OR56A3: variants seen among roughly 807,000 people sequenced by gnomAD.
The protein encoded by OR56A3 is olfactory receptor 56A3.
Under a neutral mutation model 17.5 loss-of-function variants are expected in OR56A3, and 23 were observed. The observed-to-expected ratio is 1.32, with a 90% CI of 0.95 to 1.87. The LOEUF (loss-of-function observed/expected upper bound fraction) is 1.87, where lower values mean the gene tolerates loss of function less well. Ranked by LOEUF, OR56A3 falls within the 40% of genes most tolerant of loss-of-function variation. The pLI, the probability that OR56A3 is intolerant of heterozygous loss-of-function variation, is 0.00. For missense variants in OR56A3, 366 were observed against 380.1 expected (o/e 0.96, Z 0.31); for synonymous variants, 175 against 150.6 (o/e 1.16, Z -1.19).
chr11:6,013,357 C>T, the OR56A3 span, among the ~76,000 whole-genome samples: 1 of 152,210 alleles, frequency 6.6e-6, no homozygotes, highest in South Asian at 2.1e-4. Context: ...TCCCCCTTGC[C>T]CAGCTCGCGG....
the OR56A3 span, among the ~76,000 whole-genome samples, chr11:5,957,833 T>A: frequency 6.6e-6 from 1 of 152,206 alleles, no homozygotes; most frequent in Non-Finnish European, 1.5e-5. Context: ...TTTAAGCAAA[T>A]CTTGGATATC....
the OR56A3 span, among the ~76,000 whole-genome samples, chr11:5,972,095 C>T: frequency 7.9e-5 from 12 of 152,202 alleles, no homozygotes; most frequent in Admixed American, 1.3e-4. Context: ...CATTTCCTCA[C>T]CAGCTTTTGC....
the OR56A3 span, chr11:5,985,807 G>T: frequency 1.3e-6 from 1 of 769,934 alleles, no homozygotes; most frequent in Non-Finnish European, 2.0e-6. Context: ...GTGTTCTTTA[G>T]CATGGCACTA....
At chr11:5,967,997 A>C in the OR56A3 span, 1 of 1,590,624 alleles carries the variant, frequency 6.3e-7, no homozygotes, top group African/African-American at 1.3e-5. Context: ...TGAGTCGAGA[A>C]GAAAGTATGG....
the OR56A3 span, among the ~76,000 whole-genome samples, chr11:5,992,613 T>C: frequency 2.6e-5 from 4 of 152,140 alleles, no homozygotes; most frequent in South Asian, 2.1e-4. Context: ...CTCTGTAGGA[T>C]TGTGACAAAC....
At chr11:6,004,291 T>C in the OR56A3 span, among the ~76,000 whole-genome samples, 1 of 151,804 alleles carries the variant, frequency 6.6e-6, no homozygotes, top group African/African-American at 2.4e-5. Context: ...GGGGCGGAGG[T>C]TGCAGTGAGC....
chr11:5,998,170 C>G, the OR56A3 span, among the ~76,000 whole-genome samples: 6 of 152,272 alleles, frequency 3.9e-5, no homozygotes, highest in East Asian at 1.2e-3. Flanking sequence ...TTACCTATGT[C>G]ACTTTGAACT....
At chr11:5,975,218 A>T in the OR56A3 span, among the ~76,000 whole-genome samples, 73 of 152,308 alleles carry the variant, frequency 4.8e-4, no homozygotes, top group African/African-American at 1.7e-3. Context: ...CTTGTGAAAG[A>T]AGACATTCTT....
chr11:5,966,441 G>A, the OR56A3 span, among the ~76,000 whole-genome samples: 1 of 151,988 alleles, frequency 6.6e-6, no homozygotes, highest in Non-Finnish European at 1.5e-5. Context: ...AGAATAATTT[G>A]ATTATCATAG....
chr11:5,969,855 G>A, the OR56A3 span, among the ~76,000 whole-genome samples: 1 of 152,172 alleles, frequency 6.6e-6, no homozygotes, highest in Non-Finnish European at 1.5e-5. Context: ...ATCACTGTGT[G>A]AATAAATAGC....
At chr11:5,976,310 TAGGA>T in the OR56A3 span, among the ~76,000 whole-genome samples, 2 of 148,898 alleles carry the variant, frequency 1.3e-5, no homozygotes, top group African/African-American at 5.0e-5. Flanking sequence ...AGAAGGGAAA[TAGGA>T]AGGGGTAAAA....
At chr11:6,003,766 T>C in the OR56A3 span, among the ~76,000 whole-genome samples, 9 of 152,304 alleles carry the variant, frequency 5.9e-5, no homozygotes, top group South Asian at 2.1e-4. Flanking sequence ...CATGAGGACC[T>C]GCTGTAATCA....
the OR56A3 span, among the ~76,000 whole-genome samples, chr11:6,010,139 T>G: frequency 6.6e-6 from 1 of 152,216 alleles, no homozygotes; most frequent in African/African-American, 2.4e-5. Flanking sequence ...ATCTTTAATT[T>G]ATTTAACCAT....
At chr11:5,944,592 T>C (rs1191005218) in intron 1 of OR56A3, among the ~76,000 whole-genome samples, 1 of 152,226 alleles carries the variant, frequency 6.6e-6, no homozygotes, top group Non-Finnish European at 1.5e-5. Flanking sequence ...GAATGAATTA[T>C]TTAGACCTTT....
At chr11:6,006,435 T>C in the OR56A3 span, 1 of 152,218 alleles carries the variant, frequency 6.6e-6, no homozygotes, top group East Asian at 1.9e-4. Context: ...TCATTGTGGT[T>C]ATTCATTCTA....
the OR56A3 span, among the ~76,000 whole-genome samples, chr11:6,012,993 C>T: frequency 6.6e-6 from 1 of 152,206 alleles, no homozygotes; most frequent in Non-Finnish European, 1.5e-5. Context: ...TCTGAGCCTG[C>T]AAGGGCAGAG....
the OR56A3 span, among the ~76,000 whole-genome samples, chr11:5,979,653 G>T: frequency 6.6e-6 from 1 of 151,764 alleles, no homozygotes; most frequent in Non-Finnish European, 1.5e-5. Context: ...AAAGAAAAAC[G>T]TTTTGGTTTC....
At chr11:5,964,811 G>C in the OR56A3 span, among the ~76,000 whole-genome samples, 1 of 152,186 alleles carries the variant, frequency 6.6e-6, no homozygotes, top group African/African-American at 2.4e-5. Context: ...CATGGCCCAG[G>C]ATTGAGGTCC....
chr11:6,012,990 C>T, the OR56A3 span, among the ~76,000 whole-genome samples: 5 of 152,348 alleles, frequency 3.3e-5, no homozygotes, highest in South Asian at 1.0e-3. Flanking sequence ...ACCTCTGAGC[C>T]TGCAAGGGCA....
Sources: allele counts gnomAD v4.1 joint callset (sites outside exome capture counted in the v4.1 genomes callset), GRCh38; gene constraint gnomAD v4.1.1; transcripts MANE v1.5; gene names NCBI Gene and HGNC (gene_info 2026-07-23, HGNC 2026-07-21).